The following MOV10L1 variants were observed in gnomAD, a reference collection of about 807,000 sequenced individuals.
MOV10L1 encodes the protein Mov10 like RNA helicase 1.
Under a neutral mutation model 143.8 loss-of-function variants are expected in MOV10L1, and 110 were observed. The observed-to-expected ratio is 0.76, with a 90% CI of 0.66 to 0.90. The LOEUF (loss-of-function observed/expected upper bound fraction) is 0.90. MOV10L1 is among the 40% of genes least tolerant of loss of function. MOV10L1 has a pLI of 0.00. For synonymous variants in MOV10L1, 593 were observed against 581.1 expected, an observed-to-expected ratio of 1.02 and a Z score of -0.29; for missense variants, 1,406 against 1,526.8, an observed-to-expected ratio of 0.92 and a Z score of 1.32.
intron 2 of MOV10L1, among the ~76,000 whole-genome samples, chr22:50,098,588 G>T (rs2062656596): frequency 1.3e-5 from 2 of 152,092 alleles, no homozygotes; most frequent in African/African-American, 2.4e-5. Context: ...TGTTGACTTT[G>T]TGTCCTGTGC....
At chr22:50,098,283 T>TAA (rs1282649205) in intron 2 of MOV10L1, among the ~76,000 whole-genome samples, 1 of 94,408 alleles carries the variant, frequency 1.1e-5, no homozygotes. Flanking sequence ...ATAATCACTT[T>TAA]GAGTAGTATT....
chr22:50,161,506 C>A lies in MOV10L1; in HGVS notation c.*57C>A. The A allele has an allele frequency of 6.7e-7, 1 of 1,500,314 alleles. No homozygotes were observed. The highest frequency in any genetic ancestry group is 1.2e-5 in the South Asian group (1 of 80,942). 92.9% of individuals were successfully genotyped at this position (1,500,314 alleles called of 1,614,324 possible). ...GCTCAGCCTGGCCACGTTGCCGTTA[C>A]AGTCTGCTCCGTGGCTCCTGTGGCC... On this transcript the variant is annotated 3_prime_UTR_variant, in exon 27 of 27. Transcript: ENST00000262794.
rs544894725 is a variant in MOV10L1 at position 50,116,871 on chromosome 22, G to T, written c.1260-286G>T. ...GGTTCATCCTATATTGCCCAGGCTG[G>T]TCTCAAACTCCTGGGCTCAAGCGAT... On this transcript the variant is annotated intron_variant, in intron 8 of 26. Coordinates refer to ENST00000262794, the MANE Select transcript of MOV10L1 (RefSeq NM_018995.3). 4.6e-5 allele frequency among the ~76,000 whole-genome samples: 7 copies of T among 152,062 alleles called. No homozygotes were observed. In the East Asian group the frequency reaches 1.2e-3, roughly 25 times the overall value.
At chr22:50,094,325 T>C (rs1238719907) in intron 2 of MOV10L1, 5 of 152,200 alleles carry the variant, frequency 3.3e-5, no homozygotes, top group African/African-American at 1.2e-4. Flanking sequence ...CAGGAGTTTT[T>C]ATGTGTTCTA....
At chr22:50,095,797 G>A (rs2062573950) in intron 2 of MOV10L1, 1 of 151,786 alleles carries the variant, frequency 6.6e-6, no homozygotes, top group African/African-American at 2.4e-5. Flanking sequence ...AGGAATGCAG[G>A]ACCTTTTTTG....
chr22:50,126,542 A>G (rs764291148), intron 12 of MOV10L1, among the ~76,000 whole-genome samples: 2 of 152,244 alleles, frequency 1.3e-5, no homozygotes, highest in Non-Finnish European at 2.9e-5. Context: ...TTCTGAATGT[A>G]TTCCAGAAGA....
rs939006157 is a variant in MOV10L1 at position 50,134,600 on chromosome 22, C to G, written c.2040C>G (p.Thr680=). The part of the protein sequence containing the change: ...VTGNWNHAQD[T]KSSGQSTSKK... Reference sequence around the variant, plus strand: ...GAAATTGGAACCATGCACAAGACACCAAAAGCAGTGGACAGTCCACCAGCA... The same window carrying G: ...GAAATTGGAACCATGCACAAGACACGAAAAGCAGTGGACAGTCCACCAGCA... Residue 680 remains threonine (T), a synonymous_variant, in exon 15 of 27, where the codon ACC becomes ACG. Transcript: ENST00000262794. 2.5e-6 allele frequency: 4 copies of G among 1,613,952 alleles called. No individual in the cohort carries two copies. The highest frequency in any genetic ancestry group is 1.3e-5 in the African/African-American group (1 of 74,918).
rs1284805588 is a variant in MOV10L1 at position 50,161,592 on chromosome 22, A to AGCT, written c.*152_*154dup. On this transcript the variant is annotated 3_prime_UTR_variant, in exon 27 of 27. Transcript: ENST00000262794. ...GGTGTGGGGCTGCCAGGTTGGACGCAGCTGCTGCTGCCCTGACTTTGGCAT... is the reference window on the plus strand; with the variant it reads ...GGTGTGGGGCTGCCAGGTTGGACGCAGCTGCTGCTGCTGCCCTGACTTTGGCAT... 52 of 783,858 alleles carry AGCT rather than the reference A, an allele frequency of 6.6e-5. No homozygotes were observed. In the South Asian group the frequency reaches 9.3e-4, roughly 14 times the overall value. The allele number at this position is 783,858 out of a possible 1,614,324, so 48.6% of individuals were successfully genotyped here.
rs767341987 is a variant in MOV10L1, at chr22:50,134,089, T to A, written c.1969+24T>A. ...AGGTATTACTTTTATAGAATGATAG[T>A]GTTACATCTTCACAGAGTATTTTTA... On this transcript the variant is annotated intron_variant, in intron 14 of 26. Transcript: ENST00000262794. 3 of 1,573,580 alleles carry A rather than the reference T, an allele frequency of 1.9e-6. No individual in the cohort carries two copies. In the South Asian group the frequency reaches 3.5e-5, roughly 18 times the overall value.
chr22:50,124,208 A>C (rs1427465993), intron 10 of MOV10L1, among the ~76,000 whole-genome samples: 1 of 152,018 alleles, frequency 6.6e-6, no homozygotes, highest in Non-Finnish European at 1.5e-5. Flanking sequence ...AATTCCTTGC[A>C]GTGCTCATGG....
intron 15 of MOV10L1, among the ~76,000 whole-genome samples, chr22:50,141,324 C>G (rs2062979240): frequency 6.7e-6 from 1 of 149,890 alleles, no homozygotes; most frequent in Admixed American, 6.8e-5. Context: ...GCGTGAGCCA[C>G]TGCGTGCAGC....
intron 15 of MOV10L1, 140 bp from the exon 16 acceptor site, chr22:50,141,941 G>C (rs2062999453): frequency 4.3e-6 from 2 of 466,212 alleles, no homozygotes; most frequent in Admixed American, 4.4e-5. Flanking sequence ...TTTTTCAAAG[G>C]GTCTGACCTG....
intron 17 of MOV10L1, 144 bp downstream of exon 17, chr22:50,143,365 C>A: frequency 1.0e-6 from 1 of 971,860 alleles, no homozygotes; most frequent in Non-Finnish European, 1.6e-6. Flanking sequence ...AATGTTAAGT[C>A]TGTTTTTGTG....
intron 2 of MOV10L1, chr22:50,092,969 C>A (rs754174483): frequency 7.3e-5 from 11 of 151,670 alleles, no homozygotes; most frequent in Non-Finnish European, 1.5e-4. Context: ...GACGCAATCT[C>A]AGCTCACTGC....
At chr22:50,137,564 G>T (rs1200504531) in intron 15 of MOV10L1, among the ~76,000 whole-genome samples, 1 of 151,794 alleles carries the variant, frequency 6.6e-6, no homozygotes, top group Non-Finnish European at 1.5e-5. Context: ...AATTAGCTGG[G>T]TGTGGTGGCA....
chr22:50,160,542 G>A (rs957169994), intron 24 of MOV10L1, 146 bp from the exon 25 acceptor site: 15 of 1,028,020 alleles, frequency 1.5e-5, no homozygotes, highest in East Asian at 8.4e-5. Flanking sequence ...GTGAGCCACC[G>A]CGCCCGGCCT....
Position 50,090,035 on chromosome 22 carries a change from G to C in MOV10L1, c.-54G>C. 1 of 1,173,504 alleles carries C rather than the reference G, an allele frequency of 8.5e-7. No individual in the cohort carries two copies. Among genetic ancestry groups the C allele is most frequent in the East Asian group, 4.0e-5 (1 of 24,890 alleles). The allele number at this position is 1,173,504 out of a possible 1,614,324, so 72.7% of individuals were successfully genotyped here. A position where few individuals can be genotyped will look rare whatever the true frequency, so the allele number is the denominator to read the frequency against. On this transcript the variant is annotated 5_prime_UTR_variant, in exon 1 of 27. Transcript: ENST00000262794. ...GTGGCGGGCGGCGGGAGCGGCGCGGGCGCGTGCGGGCGGCGGCAGCGGCGG... is the reference window on the plus strand; with the variant it reads ...GTGGCGGGCGGCGGGAGCGGCGCGGCCGCGTGCGGGCGGCGGCAGCGGCGG...
chr22:50,148,540 G>A (rs938647666), intron 19 of MOV10L1, among the ~76,000 whole-genome samples: 9 of 152,196 alleles, frequency 5.9e-5, no homozygotes, highest in East Asian at 3.8e-4. Flanking sequence ...CTTGTCACAC[G>A]GAGAAGGAAG....
At chr22:50,111,668 T>G (rs962638400) in intron 5 of MOV10L1, among the ~76,000 whole-genome samples, 2 of 151,718 alleles carry the variant, frequency 1.3e-5, no homozygotes, top group African/African-American at 4.8e-5. Flanking sequence ...CATGCCTGGC[T>G]AATTTTTTGT....
Sources: gnomAD v4.1 joint callset for allele counts (sites outside exome capture counted in the v4.1 genomes callset) on GRCh38, gnomAD v4.1.1 for gene constraint, MANE v1.5 for transcripts, NCBI Gene and HGNC (gene_info 2026-07-23, HGNC 2026-07-21) for gene names.